TFAP2A: variants seen among roughly 807,000 people sequenced by gnomAD.
The protein encoded by TFAP2A is transcription factor AP-2-alpha.
In TFAP2A, 7 loss-of-function variants were observed where a neutral mutation model predicts 41.5. That is an observed-to-expected ratio of 0.17 (90% CI 0.10 to 0.32). The LOEUF is 0.32. Ranked by LOEUF, TFAP2A falls within the 10% of genes least tolerant of loss-of-function variation. The probability of loss-of-function intolerance (pLI) is 1.00; values close to 1 mark genes in which losing one functional copy is unlikely to be tolerated. For missense variants in TFAP2A, 416 were observed against 563.3 expected, an observed-to-expected ratio of 0.74 and a Z score of 2.65; for synonymous variants, 247 against 242.8, an observed-to-expected ratio of 1.02 and a Z score of -0.16.
chr6:10,407,214 T>C (rs1007488315), intron 2 of TFAP2A: 2 of 285,498 alleles, frequency 7.0e-6, no homozygotes, highest in Non-Finnish European at 1.3e-5. Context: ...CTTCTGACTT[T>C]AGCAATTCCA....
At position 10,398,283 on chromosome 6, in the gene TFAP2A, C is replaced by T; in HGVS notation, c.*134G>A. 6 of 1,573,196 alleles carry T rather than the reference C, an allele frequency of 3.8e-6. No homozygotes were observed. Among genetic ancestry groups the T allele is most frequent in the Admixed American group, 1.7e-5 (1 of 57,234 alleles). On this transcript the variant is annotated 3_prime_UTR_variant, in exon 7 of 7. Coordinates refer to ENST00000379613, the MANE Select transcript of TFAP2A (RefSeq NM_001372066.1). The surrounding 1 kb of genome is among the most constrained non-coding windows in gnomAD (Gnocchi z 5.3). Reference sequence around the variant, plus strand: ...ACTCGGGGGGACCCAAGGGCAGCGGCGGCGGCGGCGGCGGCAGCAGCAGCA... The same window carrying T: ...ACTCGGGGGGACCCAAGGGCAGCGGTGGCGGCGGCGGCGGCAGCAGCAGCA...
chr6:10,415,398 C>A, upstream of TFAP2A: 2 of 612,676 alleles, frequency 3.3e-6, no homozygotes, highest in Non-Finnish European at 4.6e-6. Context: ...GGCCTCTCTA[C>A]GCCGCGAACT....
At chr6:10,400,423 G>C (rs376259619) in intron 6 of TFAP2A, 25 bp downstream of exon 6, 419 of 1,614,058 alleles carry the variant, frequency 2.6e-4, no homozygotes, top group Non-Finnish European at 3.3e-4. Flanking sequence ...GAGACACAGA[G>C]ACCCCATAGA....
At chr6:10,402,960 C>T (rs1251735273) in intron 4 of TFAP2A, among the ~76,000 whole-genome samples, 5 of 152,244 alleles carry the variant, frequency 3.3e-5, no homozygotes, top group Non-Finnish European at 5.9e-5. Context: ...TCTGCTGTTA[C>T]AATCACACCA....
upstream of TFAP2A, chr6:10,415,175 CGAGGAGGAG>C: frequency 6.8e-7 from 1 of 1,475,712 alleles, no homozygotes; most frequent in Non-Finnish European, 9.0e-7. Context: ...AAGAGGAGGG[CGAGGAGGAG>C]GAGGAGGGCG....
chr6:10,403,964 G>C (rs968755601), intron 4 of TFAP2A, among the ~76,000 whole-genome samples: 3 of 152,216 alleles, frequency 2.0e-5, no homozygotes, highest in Non-Finnish European at 2.9e-5. Context: ...CGACCGGAAA[G>C]CATGGCGTGC....
At chr6:10,402,424 C>G in intron 5 of TFAP2A, 68 bp downstream of exon 5, 1 of 1,153,220 alleles carries the variant, frequency 8.7e-7, no homozygotes, top group Non-Finnish European at 1.3e-6. Flanking sequence ...GACCAAACAT[C>G]TGGCCACTAA....
Position 10,396,766 on chromosome 6 carries a change from A to C in TFAP2A, c.*1651T>G, listed in dbSNP as rs1369206619. The C allele has an allele frequency of 6.6e-6, 1 of 151,784 alleles. No individual in the cohort carries two copies. The highest frequency in any genetic ancestry group is 1.9e-4 in the East Asian group (1 of 5,204). The allele number at this position is 151,784 out of a possible 1,614,324, so 9.4% of individuals were successfully genotyped here. ...CAGTATGTCATTCCTTTAGCAGTAC[A>C]AACAATCTTTTATCCAAAAGAATAC... On this transcript the variant is annotated 3_prime_UTR_variant, in exon 7 of 7. Coordinates refer to ENST00000379613, the MANE Select transcript of TFAP2A (RefSeq NM_001372066.1).
upstream of TFAP2A, chr6:10,415,091 G>T (rs987359054): frequency 1.1e-4 from 182 of 1,608,056 alleles, no homozygotes; most frequent in Admixed American, 3.7e-4. Context: ...GAGCGCAGGA[G>T]GAGGAGGAGG....
intron 1 of TFAP2A, among the ~76,000 whole-genome samples, chr6:10,413,806 C>T (rs1392827060): frequency 6.6e-6 from 1 of 152,048 alleles, no homozygotes; most frequent in African/African-American, 2.4e-5. Context: ...TCAAGATCTC[C>T]GCCCCTGCGC....
intron 4 of TFAP2A, among the ~76,000 whole-genome samples, chr6:10,404,000 TC>T (rs1310346240): frequency 6.6e-6 from 1 of 152,162 alleles, no homozygotes; most frequent in Non-Finnish European, 1.5e-5. Flanking sequence ...ACCATTCTCT[TC>T]CTTTAGTTAA....
rs771879686 is a variant in TFAP2A at position 10,400,582 on chromosome 6, A to G, written c.897T>C (p.Ala299=). 10 of 1,614,096 alleles carry G rather than the reference A, an allele frequency of 6.2e-6. No individual in the cohort carries two copies. Among genetic ancestry groups the G allele is most frequent in the Non-Finnish European group, 8.5e-6 (10 of 1,180,036 alleles). Residue 299 remains alanine (A), a synonymous_variant, in exon 6 of 7, where the codon GCT becomes GCC. Coordinates refer to ENST00000379613, the MANE Select transcript of TFAP2A (RefSeq NM_001372066.1). Reference sequence around the variant, plus strand: ...ACCCAAAGTCCCTGGCTAGGTGGACAGCTTCTCCTGGCAAGAGGGGAGAGG... The same window carrying G: ...ACCCAAAGTCCCTGGCTAGGTGGACGGCTTCTCCTGGCAAGAGGGGAGAGG... ...TLLTSLVEGE[A]VHLARDFGYV...
chr6:10,404,471 C>CGCGGGGCGGGGCGGGGCGG, intron 4 of TFAP2A, 37 bp downstream of exon 4: 1 of 1,450,098 alleles, frequency 6.9e-7, no homozygotes, highest in African/African-American at 1.5e-5. Context: ...TTCCCCCGGC[C>CGCGGGGCGGGGCGGGGCGG]GCGGGGCGGG....
intron 1 of TFAP2A, 81 bp downstream of exon 1, chr6:10,414,860 T>A: frequency 6.3e-7 from 1 of 1,589,816 alleles, no homozygotes; most frequent in Non-Finnish European, 8.6e-7. Context: ...TCGCAGCTGG[T>A]TGCAAGGAGA....
upstream of TFAP2A, chr6:10,418,089 G>C (rs543378611): frequency 6.6e-6 from 1 of 152,382 alleles, no homozygotes; most frequent in East Asian, 1.9e-4. Flanking sequence ...GAAAGGTGTG[G>C]ATTCCCGGGA....
chr6:10,411,775 C>G, intron 1 of TFAP2A: 1 of 1,456,700 alleles, frequency 6.9e-7, no homozygotes, highest in Non-Finnish European at 9.0e-7. Context: ...CGGATCCATC[C>G]GAACTTGAAC....
chr6:10,398,126 T>C lies in TFAP2A; in HGVS notation c.*291A>G, dbSNP rs1281025601. 1.5e-6 allele frequency: 2 copies of C among 1,316,818 alleles called. No individual in the cohort carries two copies. Among genetic ancestry groups the C allele is most frequent in the East Asian group, 3.0e-5 (1 of 33,406 alleles). 81.6% of individuals were successfully genotyped at this position (1,316,818 alleles called of 1,614,324 possible). A position where few individuals can be genotyped will look rare whatever the true frequency, so the allele number is the denominator to read the frequency against. ...CAAACTTGGCAGAACTTTTCTCTGC[T>C]GGCTTCACGGCCTGTTCTGTTCTCT... is the stretch of plus-strand genomic sequence containing the variant. On this transcript the variant is annotated 3_prime_UTR_variant, in exon 7 of 7. Transcript: ENST00000379613. The surrounding 1 kb of genome is among the most constrained non-coding windows in gnomAD (Gnocchi z 5.3).
Position 10,411,735 on chromosome 6 carries a change from C to T in TFAP2A, c.52-1400G>A, listed in dbSNP as rs965051270. On this transcript the variant is annotated intron_variant, in intron 1 of 6. Coordinates refer to ENST00000379613, the MANE Select transcript of TFAP2A (RefSeq NM_001372066.1). ...CCACCCAGGACTCCAGTCACGGCGCCGACGCTCCCCGGAGCGCGGGAGCCC... is the reference window on the plus strand; with the variant it reads ...CCACCCAGGACTCCAGTCACGGCGCTGACGCTCCCCGGAGCGCGGGAGCCC... The T allele has an allele frequency of 6.5e-5, 99 of 1,516,592 alleles. 1 individual carries two copies. The highest frequency in any genetic ancestry group is 2.3e-5 in the Admixed American group (1 of 43,820). The allele number at this position is 1,516,592 out of a possible 1,614,324, so 93.9% of individuals were successfully genotyped here.
intron 3 of TFAP2A, 48 bp downstream of exon 3, chr6:10,406,745 C>T: frequency 2.0e-6 from 3 of 1,496,036 alleles, no homozygotes; most frequent in Non-Finnish European, 2.8e-6. Context: ...TTTTAAATAG[C>T]ACTCTGCCTG....
Sources: gnomAD v4.1 joint callset for allele counts (sites outside exome capture counted in the v4.1 genomes callset) on GRCh38, gnomAD v4.1.1 for gene constraint, Gnocchi (gnomAD v3.1) non-coding constraint, MANE v1.5 for transcripts, NCBI Gene and HGNC (gene_info 2026-07-23, HGNC 2026-07-21) for gene names.